RNF144A: variants seen among roughly 807,000 people sequenced by gnomAD.
RNF144A encodes the protein E3 ubiquitin-protein ligase RNF144A.
A neutral mutation model predicts 38.7 loss-of-function variants in RNF144A; 11 were observed. That is an observed-to-expected ratio of 0.28 (90% CI 0.18 to 0.47). The LOEUF is 0.47. Ranked by LOEUF, RNF144A falls within the 20% of genes least tolerant of loss-of-function variation. The pLI is 0.99. For missense variants in RNF144A, 316 were observed against 377.2 expected, an observed-to-expected ratio of 0.84 and a Z score of 1.34; for synonymous variants, 149 against 143.9, an observed-to-expected ratio of 1.04 and a Z score of -0.25.
chr2:7,022,828 C>G (rs141289454), intron 6 of RNF144A, among the ~76,000 whole-genome samples: 2 of 152,132 alleles, frequency 1.3e-5, no homozygotes, highest in Non-Finnish European at 2.9e-5. Flanking sequence ...TATGCTATCT[C>G]GTTTGCTCCT....
chr2:7,071,516 A>G (rs947633022), downstream of RNF144A, among the ~76,000 whole-genome samples: 10 of 152,156 alleles, frequency 6.6e-5, no homozygotes, highest in Admixed American at 6.5e-4. Flanking sequence ...AGTTATTTAC[A>G]TTTGGCTCAA....
chr2:6,977,075 T>C (rs1405135359), intron 2 of RNF144A, among the ~76,000 whole-genome samples: 2 of 152,276 alleles, frequency 1.3e-5, no homozygotes, highest in Middle Eastern at 6.3e-3. Context: ...TGATAAATAT[T>C]ACGCATTGCC....
intron 2 of RNF144A, among the ~76,000 whole-genome samples, chr2:6,964,815 T>C (rs1473097007): frequency 6.7e-6 from 1 of 149,244 alleles, no homozygotes; most frequent in African/African-American, 2.5e-5. Flanking sequence ...CTCTGGGGAC[T>C]GTTGTGGGGT....
intron 3 of RNF144A, among the ~76,000 whole-genome samples, chr2:7,008,095 C>T (rs1194521052): frequency 1.3e-5 from 2 of 152,194 alleles, no homozygotes; most frequent in Non-Finnish European, 2.9e-5. Flanking sequence ...AGTGGCGTCC[C>T]TAGAGAGCCA....
chr2:7,073,165 T>G (rs1263702833), downstream of RNF144A, among the ~76,000 whole-genome samples: 1 of 152,194 alleles, frequency 6.6e-6, no homozygotes, highest in Admixed American at 6.5e-5. Context: ...TTCCTAGGGA[T>G]CCACCCTGTC....
chr2:6,928,666 G>T (rs1416547925), intron 1 of RNF144A, among the ~76,000 whole-genome samples: 1 of 152,194 alleles, frequency 6.6e-6, no homozygotes, highest in African/African-American at 2.4e-5. Flanking sequence ...CCTCATTTGA[G>T]CCCTTGCCTT....
In RNF144A at chr2:7,040,157, G is replaced by A; in HGVS notation, c.*397G>A. 1 of 995,418 alleles carries A rather than the reference G, an allele frequency of 1.0e-6. No homozygotes were observed. Among genetic ancestry groups the A allele is most frequent in the Non-Finnish European group, 1.2e-6 (1 of 836,800 alleles). The allele number at this position is 995,418 out of a possible 1,614,324, so 61.7% of individuals were successfully genotyped here. A position where few individuals can be genotyped will look rare whatever the true frequency, so the allele number is the denominator to read the frequency against. ...CTTTTAAGGACTGCCACTCTCTTCAGACAGAATCTGATTATTCCAGCTTGA... is the reference window on the plus strand; with the variant it reads ...CTTTTAAGGACTGCCACTCTCTTCAAACAGAATCTGATTATTCCAGCTTGA... On this transcript the variant is annotated 3_prime_UTR_variant, in exon 9 of 9. Coordinates refer to ENST00000320892, the MANE Select transcript of RNF144A (RefSeq NM_014746.6).
At chr2:7,004,549 C>T (rs188363475) in intron 3 of RNF144A, among the ~76,000 whole-genome samples, 28 of 152,304 alleles carry the variant, frequency 1.8e-4, no homozygotes, top group Non-Finnish European at 3.2e-4. Context: ...GAGGGCAAAC[C>T]TGCGACTGCA....
intron 8 of RNF144A, among the ~76,000 whole-genome samples, chr2:7,036,847 C>A (rs890851435): frequency 6.6e-6 from 1 of 152,170 alleles, no homozygotes. Flanking sequence ...CCATTCAGAA[C>A]CTTGTCAGTT....
At chr2:7,047,050 G>A (rs748368802), downstream of RNF144A, among the ~76,000 whole-genome samples, 4 of 152,126 alleles carry the variant, frequency 2.6e-5, no homozygotes, top group South Asian at 4.1e-4. Flanking sequence ...AGGGAATAAC[G>A]TTTCAAAAGC....
chr2:7,011,577 A>G (rs1004765551), intron 3 of RNF144A, among the ~76,000 whole-genome samples: 8 of 152,228 alleles, frequency 5.3e-5, no homozygotes, highest in Non-Finnish European at 8.8e-5. Context: ...TTACTGAGCT[A>G]ACATAGGTAA....
At chr2:6,964,166 G>A (rs897133586) in intron 2 of RNF144A, among the ~76,000 whole-genome samples, 7 of 152,294 alleles carry the variant, frequency 4.6e-5, no homozygotes, top group African/African-American at 1.7e-4. Context: ...GCATGTTCAT[G>A]TCCTTTGCCC....
chr2:7,070,164 C>A (rs1558475157), downstream of RNF144A, among the ~76,000 whole-genome samples: 2 of 151,792 alleles, frequency 1.3e-5, no homozygotes, highest in African/African-American at 4.8e-5. Flanking sequence ...TCTTCTCTCT[C>A]TCTCTTTATT....
chr2:6,919,250 G>A (rs545449509), intron 1 of RNF144A, among the ~76,000 whole-genome samples: 4 of 152,170 alleles, frequency 2.6e-5, no homozygotes, highest in African/African-American at 4.8e-5. Flanking sequence ...GCGCAGGAAG[G>A]GGGAGGGACA....
intron 2 of RNF144A, among the ~76,000 whole-genome samples, chr2:6,991,355 A>G (rs1006130124): frequency 7.2e-5 from 11 of 152,098 alleles, no homozygotes; most frequent in African/African-American, 2.7e-4. Flanking sequence ...CAGTTCTCCA[A>G]TCTCTGCTGC....
chr2:7,071,753 A>G (rs1226136386), downstream of RNF144A, among the ~76,000 whole-genome samples: 1 of 152,222 alleles, frequency 6.6e-6, no homozygotes, highest in Non-Finnish European at 1.5e-5. Context: ...CCAGTCACTC[A>G]ACAAAACAGT....
At chr2:6,964,650 A>G (rs1572282170) in intron 2 of RNF144A, among the ~76,000 whole-genome samples, 1 of 152,220 alleles carries the variant, frequency 6.6e-6, no homozygotes, top group African/African-American at 2.4e-5. Context: ...ATAAAAAATG[A>G]TGAGTTCATG....
chr2:7,034,909 GGA>G (rs1218079350), intron 8 of RNF144A, among the ~76,000 whole-genome samples: 9 of 152,144 alleles, frequency 5.9e-5, no homozygotes, highest in African/African-American at 2.2e-4. Context: ...GATTGGCCTT[GGA>G]GAGGGTGTGG....
chr2:7,073,990 C>T, the RNF144A span, among the ~76,000 whole-genome samples: 1 of 152,348 alleles, frequency 6.6e-6, no homozygotes, highest in East Asian at 1.9e-4. Context: ...ATCCCCCTTA[C>T]TTGACTATCC....
Sources: gnomAD v4.1 joint callset for allele counts (sites outside exome capture counted in the v4.1 genomes callset) on GRCh38, gnomAD v4.1.1 for gene constraint, MANE v1.5 for transcripts, NCBI Gene and HGNC (gene_info 2026-07-23, HGNC 2026-07-21) for gene names.